DYNC2H1: variants seen among roughly 807,000 people sequenced by gnomAD.
The protein encoded by DYNC2H1 is cytoplasmic dynein 2 heavy chain 1.
In DYNC2H1, 410 loss-of-function variants were observed where a neutral mutation model predicts 570.0. That is an observed-to-expected ratio of 0.72 (90% CI 0.66 to 0.78). The LOEUF (loss-of-function observed/expected upper bound fraction) is 0.78, where lower values mean the gene tolerates loss of function less well. DYNC2H1 is among the 30% of genes least tolerant of loss of function. The pLI is 0.00. For missense variants in DYNC2H1, 4,865 were observed against 5,046.4 expected, an observed-to-expected ratio of 0.96 and a Z score of 1.09; for synonymous variants, 1,688 against 1,677.6, an observed-to-expected ratio of 1.01 and a Z score of -0.15.
At chr11:103,320,721 T>C (rs922757684) in intron 80 of DYNC2H1, among the ~76,000 whole-genome samples, 1 of 152,172 alleles carries the variant, frequency 6.6e-6, no homozygotes, top group Admixed American at 6.5e-5. Context: ...ATCTTCGAGA[T>C]TGTATAACTT....
Position 103,141,289 on chromosome 11 carries a change from T to A in DYNC2H1, c.2575-1979T>A, listed in dbSNP as rs113012932. Among the ~76,000 whole-genome samples, 1,074 of 152,322 alleles carry A rather than the reference T, an allele frequency of 7.1e-3. 9 individuals carry two copies. The highest frequency in any genetic ancestry group is 0.024 in the African/African-American group (1,013 of 41,576). On this transcript the variant is annotated intron_variant, in intron 17 of 88. Transcript: ENST00000375735. ...TGGAGGAGGAGTGGCACTCTGCTTT[T>A]TAGAGTTTCCAGTTTTTCTGCTCTG...
At chr11:103,367,839 A>T (rs1360992741) in intron 83 of DYNC2H1, among the ~76,000 whole-genome samples, 2 of 152,058 alleles carry the variant, frequency 1.3e-5, no homozygotes, top group Non-Finnish European at 2.9e-5. Flanking sequence ...TTTTCCTAAG[A>T]TTCCACATGA....
intron 84 of DYNC2H1, among the ~76,000 whole-genome samples, chr11:103,419,923 A>G (rs920645149): frequency 3.3e-5 from 5 of 152,190 alleles, no homozygotes; most frequent in African/African-American, 1.2e-4. Flanking sequence ...CAGAATAGCC[A>G]GTTTAGAGAG....
At chr11:103,308,855 T>C (rs139325560) in intron 78 of DYNC2H1, among the ~76,000 whole-genome samples, 4 of 152,314 alleles carry the variant, frequency 2.6e-5, no homozygotes, top group African/African-American at 9.6e-5. Context: ...GCTGTTGAGT[T>C]GTATTAATAG....
intron 83 of DYNC2H1, among the ~76,000 whole-genome samples, chr11:103,372,219 A>G (rs1200288287): frequency 6.6e-6 from 1 of 151,294 alleles, no homozygotes; most frequent in Non-Finnish European, 1.5e-5. Context: ...TAGTTTGACC[A>G]TGTTGTCTAG....
intron 73 of DYNC2H1, among the ~76,000 whole-genome samples, chr11:103,284,421 A>G (rs1866268316): frequency 6.6e-6 from 1 of 152,194 alleles, no homozygotes; most frequent in South Asian, 2.1e-4. Context: ...TGACAGGTGT[A>G]TTAAGAGACT....
At chr11:103,349,451 G>A (rs951915846) in intron 82 of DYNC2H1, among the ~76,000 whole-genome samples, 6 of 152,150 alleles carry the variant, frequency 3.9e-5, no homozygotes, top group Non-Finnish European at 7.4e-5. Context: ...GATTGTTAGA[G>A]CCACTAATTA....
At chr11:103,316,388 T>G (rs1385473510) in intron 79 of DYNC2H1, among the ~76,000 whole-genome samples, 157 bp from the exon 80 acceptor site, 1 of 152,044 alleles carries the variant, frequency 6.6e-6, no homozygotes, top group Non-Finnish European at 1.5e-5. Flanking sequence ...AAGTTTACTG[T>G]TACTTTAGAT....
chr11:103,297,710 T>C (rs1866892413), intron 75 of DYNC2H1, among the ~76,000 whole-genome samples: 1 of 152,126 alleles, frequency 6.6e-6, no homozygotes, highest in Non-Finnish European at 1.5e-5. Flanking sequence ...ATTATGCAGC[T>C]CATGTAATTC....
At position 103,136,375 on chromosome 11, in the gene DYNC2H1, C is replaced by G. The variant is rs527903048; in HGVS notation, c.2574+427C>G. Among the ~76,000 whole-genome samples the G allele has an allele frequency of 2.7e-4, 41 of 151,090 alleles. No homozygotes were observed. The East Asian group carries it at 5.5e-3, about 20-fold the overall frequency. ...TATCTCCTAATACTATCCCTCCCCC[C>G]TCCCGCCACCCGACAACAGTCCCCA... is the stretch of plus-strand genomic sequence containing the variant. On this transcript the variant is annotated intron_variant, in intron 17 of 88. Coordinates refer to ENST00000375735, the MANE Select transcript of DYNC2H1 (RefSeq NM_001377.3).
chr11:103,330,324 C>T (rs1334917180), intron 82 of DYNC2H1, among the ~76,000 whole-genome samples: 1 of 151,916 alleles, frequency 6.6e-6, no homozygotes, highest in Non-Finnish European at 1.5e-5. Flanking sequence ...CGAATTTGTG[C>T]AATCAAGACA....
intron 47 of DYNC2H1, among the ~76,000 whole-genome samples, chr11:103,193,493 T>G (rs1392414888): frequency 1.3e-5 from 2 of 152,114 alleles, no homozygotes; most frequent in African/African-American, 2.4e-5. Flanking sequence ...TGTCTTTTTT[T>G]GTTATTTTTC....
rs181681041 is a variant in DYNC2H1 at position 103,325,045 on chromosome 11, T to G, written c.12039+1055T>G. Among the ~76,000 whole-genome samples the G allele has an allele frequency of 6.6e-6, 1 of 152,230 alleles. No homozygotes were observed. Among genetic ancestry groups the G allele is most frequent in the African/African-American group, 2.4e-5 (1 of 41,468 alleles). ...GCATCTCTTCATGTTTTTTGCCCAC[T>G]TTTTAATGGGCTTGTTTGTTTTTTG... On this transcript the variant is annotated intron_variant, in intron 82 of 88. Transcript: ENST00000375735. The surrounding 1 kb of genome is among the most constrained non-coding windows in gnomAD (Gnocchi z 4.8).
At chr11:103,397,392 G>A (rs138056068) in intron 83 of DYNC2H1, among the ~76,000 whole-genome samples, 136 of 152,116 alleles carry the variant, frequency 8.9e-4, no homozygotes, top group Non-Finnish European at 1.5e-3. Context: ...CTGCATAGTC[G>A]TTGTAACATA....
chr11:103,283,412 G>A (rs942316119), intron 73 of DYNC2H1, among the ~76,000 whole-genome samples: 8 of 152,258 alleles, frequency 5.3e-5, no homozygotes, highest in Middle Eastern at 3.4e-3. Context: ...ACAATTCTGT[G>A]TTCTTCAACT....
At chr11:103,385,562 A>G (rs1386900071) in intron 83 of DYNC2H1, among the ~76,000 whole-genome samples, 1 of 152,210 alleles carries the variant, frequency 6.6e-6, no homozygotes, top group East Asian at 1.9e-4. Flanking sequence ...AAAGGATAAT[A>G]AAACTTATAT....
At chr11:103,427,393 G>A (rs1339080254) in intron 84 of DYNC2H1, among the ~76,000 whole-genome samples, 3 of 152,062 alleles carry the variant, frequency 2.0e-5, no homozygotes, top group Non-Finnish European at 4.4e-5. Context: ...CATACTTAAT[G>A]ATAAACTTAC....
At chr11:103,412,816 G>C (rs1943137858) in intron 84 of DYNC2H1, among the ~76,000 whole-genome samples, 1 of 152,132 alleles carries the variant, frequency 6.6e-6, no homozygotes, top group South Asian at 2.1e-4. Context: ...TATACATATA[G>C]AACTTTATTA....
In DYNC2H1 at chr11:103,109,536, C is replaced by T. The variant is rs1258340971; in HGVS notation, c.-39C>T. On this transcript the variant is annotated 5_prime_UTR_variant, in exon 1 of 89. Coordinates refer to ENST00000375735, the MANE Select transcript of DYNC2H1 (RefSeq NM_001377.3). ...TTCCCTCCGGACTGGTTTCTTCTTC[C>T]TTCCCCCTTCCCCCAACTTCCCTCC... The T allele has an allele frequency of 1.3e-6, 2 of 1,586,652 alleles. No individual in the cohort carries two copies. Among genetic ancestry groups the T allele is most frequent in the Non-Finnish European group, 1.7e-6 (2 of 1,161,446 alleles).
Sources: gnomAD v4.1 joint callset for allele counts (sites outside exome capture counted in the v4.1 genomes callset) on GRCh38, gnomAD v4.1.1 for gene constraint, Gnocchi (gnomAD v3.1) non-coding constraint, MANE v1.5 for transcripts, NCBI Gene and HGNC (gene_info 2026-07-23, HGNC 2026-07-21) for gene names.